The following ENPP3 variants were observed in gnomAD, a reference collection of about 807,000 sequenced individuals.
ENPP3 encodes the protein ectonucleotide pyrophosphatase/phosphodiesterase 3.
A neutral mutation model predicts 117.8 loss-of-function variants in ENPP3; 104 were observed. The ratio of observed to expected loss-of-function variants is 0.88; its 90% CI spans 0.75 to 1.04. ENPP3 has a LOEUF of 1.04. Among genes scored for constraint, ENPP3 ranks in the 50% least tolerant of loss-of-function variants. The pLI is 0.00. For missense variants in ENPP3, 1,026 were observed against 1,051.9 expected (o/e 0.98, Z 0.34); for synonymous variants, 380 against 349.9 (o/e 1.09, Z -0.96).
At chr6:131,643,230 A>G (rs1334136977) in intron 2 of ENPP3, among the ~76,000 whole-genome samples, 2 of 152,196 alleles carry the variant, frequency 1.3e-5, no homozygotes, top group East Asian at 1.9e-4. Flanking sequence ...GATCAAAGAA[A>G]TGTTGACAGG....
At chr6:131,678,899 T>TTCTC in intron 11 of ENPP3, among the ~76,000 whole-genome samples, 2 of 143,930 alleles carry the variant, frequency 1.4e-5, no homozygotes, top group Non-Finnish European at 3.1e-5. Context: ...TTCCCTTTCT[T>TTCTC]TCTTTCTCTC....
At chr6:131,656,626 G>A (rs1354833479) in intron 5 of ENPP3, among the ~76,000 whole-genome samples, 2 of 152,086 alleles carry the variant, frequency 1.3e-5, no homozygotes, top group African/African-American at 4.8e-5. Flanking sequence ...AATTAGCCGG[G>A]TGTGGTGGCA....
At chr6:131,644,574 T>C (rs1372661096) in intron 2 of ENPP3, among the ~76,000 whole-genome samples, 3 of 152,220 alleles carry the variant, frequency 2.0e-5, no homozygotes, top group African/African-American at 4.8e-5. Flanking sequence ...TGAATTTCCA[T>C]AACTGAGTTG....
chr6:131,726,884 A>C (rs1298539425), intron 20 of ENPP3, among the ~76,000 whole-genome samples: 1 of 152,178 alleles, frequency 6.6e-6, no homozygotes, highest in Non-Finnish European at 1.5e-5. Context: ...ACAAAATTAA[A>C]TTTCTGGTGG....
chr6:131,679,713 G>C (rs1183687996), intron 11 of ENPP3, among the ~76,000 whole-genome samples: 2 of 152,114 alleles, frequency 1.3e-5, no homozygotes, highest in African/African-American at 4.8e-5. Context: ...AACAGAATTT[G>C]CAAGTGGTCT....
chr6:131,682,963 G>T, intron 11 of ENPP3, 91 bp from the exon 12 acceptor site: 1 of 793,432 alleles, frequency 1.3e-6, no homozygotes, highest in Non-Finnish European at 2.2e-6. Flanking sequence ...TTTCAGAGAT[G>T]GAGATGTGTT....
At chr6:131,646,439 T>A (rs1468058463) in intron 2 of ENPP3, among the ~76,000 whole-genome samples, 1 of 152,160 alleles carries the variant, frequency 6.6e-6, no homozygotes, top group Non-Finnish European at 1.5e-5. Context: ...GGGGACCATC[T>A]GTTCATTTTC....
In ENPP3 at chr6:131,726,039, AT is replaced by A; in HGVS notation, c.1799-3del. On this transcript the variant is annotated splice_region_variant and splice_polypyrimidine_tract_variant and intron_variant, in intron 19 of 24. Transcript: ENST00000357639. ...AACCTTTTTATTTTATGTTATTTTA[AT>A]TTTAGTAACAGCAACAGTGAAAGTA... 1 of 1,600,558 alleles carries A rather than the reference AT, an allele frequency of 6.2e-7. No homozygotes were observed. Among genetic ancestry groups the A allele is most frequent in the Non-Finnish European group, 8.5e-7 (1 of 1,171,118 alleles).
At position 131,685,475 on chromosome 6, in the gene ENPP3, T is replaced by A. The variant is rs759689436; in HGVS notation, c.1232T>A (p.Ile411Lys). The A allele has an allele frequency of 1.2e-6, 2 of 1,613,938 alleles. No homozygotes were observed. The highest frequency in any genetic ancestry group is 2.2e-5 in the South Asian group (2 of 91,026). The change falls in exon 13 of 25, where the codon ATA becomes AAA. Residue 411 changes from isoleucine to lysine, a missense_variant. Coordinates refer to ENST00000357639, the MANE Select transcript of ENPP3 (RefSeq NM_005021.5). ...GPAPRIRAHN[I>K]PHDFFSFNSE... is the part of the protein sequence containing the mutation. The stretch of plus-strand genomic sequence containing the variant: ...GCCCCCCGCATCCGAGCTCATAATA[T>A]ACCTCATGACTTTTTTAGTTGTAAG...
At chr6:131,697,536 T>C (rs549305676) in intron 15 of ENPP3, among the ~76,000 whole-genome samples, 4 of 152,010 alleles carry the variant, frequency 2.6e-5, no homozygotes, top group African/African-American at 9.7e-5. Flanking sequence ...ATTATACAAC[T>C]CGTTATACTG....
chr6:131,687,383 A>C (rs1779175550), intron 14 of ENPP3, among the ~76,000 whole-genome samples: 1 of 152,222 alleles, frequency 6.6e-6, no homozygotes, highest in Non-Finnish European at 1.5e-5. Flanking sequence ...TAAAGATTTA[A>C]ATATAAGACC....
chr6:131,659,941 A>G (rs1317091724), intron 6 of ENPP3, among the ~76,000 whole-genome samples: 1 of 152,230 alleles, frequency 6.6e-6, no homozygotes, highest in Non-Finnish European at 1.5e-5. Context: ...AGAATTAGAA[A>G]TGACATCAAT....
At chr6:131,737,770 C>T (rs1780430453) in intron 22 of ENPP3, among the ~76,000 whole-genome samples, 1 of 152,082 alleles carries the variant, frequency 6.6e-6, no homozygotes, top group Non-Finnish European at 1.5e-5. Context: ...ACTCGCTGTC[C>T]CATAAGCAAC....
At chr6:131,672,441 G>T (rs1778764590) in intron 7 of ENPP3, among the ~76,000 whole-genome samples, 1 of 152,050 alleles carries the variant, frequency 6.6e-6, no homozygotes, top group Non-Finnish European at 1.5e-5. Flanking sequence ...CTTTGCTGAG[G>T]TATGAGTGAT....
In ENPP3 at chr6:131,737,394, T is replaced by A. The variant is rs757895652; in HGVS notation, c.2129T>A (p.Ile710Asn). 8.1e-6 allele frequency: 13 copies of A among 1,608,158 alleles called. No individual in the cohort carries two copies. The South Asian group carries it at 1.4e-4, about 18-fold the overall frequency. The change falls in exon 22 of 25, where the codon ATT (isoleucine) becomes AAT (asparagine). Residue 710 changes from isoleucine to asparagine, a missense_variant. Physicochemically the swap from Ile to Asn is moderately radical, Grantham distance 149. Coordinates refer to ENST00000357639, the MANE Select transcript of ENPP3 (RefSeq NM_005021.5). ...TCAGATAGCCAATATGATGCTTTAA[T>A]TACTAGCAATTTGGTACCTATGTAT... is the stretch of plus-strand genomic sequence containing the variant. ...RTSDSQYDAL[I>N]TSNLVPMYEE...
chr6:131,720,345 A>G lies in ENPP3; in HGVS notation c.1533A>G (p.Pro511=), dbSNP rs149877336. Residue 511 remains proline (P), a synonymous_variant, in exon 17 of 25, where the codon CCA becomes CCG. Transcript: ENST00000357639. ...PSFKEKTEVE[P]FENIEVYNLM... is the part of the protein sequence containing the mutation. Reference sequence around the variant, plus strand: ...TTAAAGAGAAGACTGAAGTTGAACCATTTGAAAATATTGAAGTCTATAACC... The same window carrying G: ...TTAAAGAGAAGACTGAAGTTGAACCGTTTGAAAATATTGAAGTCTATAACC... 27 of 1,598,142 alleles carry G rather than the reference A, an allele frequency of 1.7e-5. No individual in the cohort carries two copies. The Admixed American group carries it at 3.3e-4, about 19-fold the overall frequency.
In ENPP3 at chr6:131,658,329, C is replaced by T; in HGVS notation, c.471C>T (p.Asp157=). 1 of 1,601,368 alleles carries T rather than the reference C, an allele frequency of 6.2e-7. No homozygotes were observed. The highest frequency in any genetic ancestry group is 8.6e-7 in the Non-Finnish European group (1 of 1,168,836). ...AQQSQCPEGF[D]LPPVILFSMD... Reference sequence around the variant, plus strand: ...TTTTGTTTTCCATTTTCAGGTTTGACCTGCCACCAGTTATCTTGTTTTCTA... The same window carrying T: ...TTTTGTTTTCCATTTTCAGGTTTGATCTGCCACCAGTTATCTTGTTTTCTA... The change falls in exon 6 of 25, where the codon GAC becomes GAT. Residue 157 remains aspartate, a synonymous_variant. Coordinates refer to ENST00000357639, the MANE Select transcript of ENPP3 (RefSeq NM_005021.5).
intron 15 of ENPP3, among the ~76,000 whole-genome samples, chr6:131,694,258 G>A (rs564299880): frequency 6.6e-6 from 1 of 152,118 alleles, no homozygotes; most frequent in Non-Finnish European, 1.5e-5. Flanking sequence ...TTGATTCAAC[G>A]TTTTATTTTA....
At chr6:131,654,025 G>A (rs1458790353) in intron 5 of ENPP3, among the ~76,000 whole-genome samples, 1 of 152,072 alleles carries the variant, frequency 6.6e-6, no homozygotes, top group African/African-American at 2.4e-5. Context: ...GCCAAGTAAT[G>A]GGAGAATGGT....
Sources: allele counts gnomAD v4.1 joint callset (sites outside exome capture counted in the v4.1 genomes callset), GRCh38; gene constraint gnomAD v4.1.1; transcripts MANE v1.5; gene names NCBI Gene and HGNC (gene_info 2026-07-23, HGNC 2026-07-21).